Variants in HERC1 observed in about 807,000 individuals in gnomAD.
HERC1 encodes the protein HECT and RLD domain containing E3 ubiquitin protein ligase family member 1, also known as probable E3 ubiquitin-protein ligase HERC1.
In HERC1, 160 loss-of-function variants were observed where a neutral mutation model predicts 554.3. The ratio of observed to expected loss-of-function variants is 0.29; its 90% CI spans 0.25 to 0.33. HERC1 has a LOEUF of 0.33. Among genes scored for constraint, HERC1 ranks in the 10% least tolerant of loss-of-function variants. The pLI is 1.00. For missense variants in HERC1, 4,919 were observed against 5,918.5 expected (o/e 0.83, Z 5.54); for synonymous variants, 2,175 against 2,131.7 (o/e 1.02, Z -0.56).
chr15:63,642,932 T>A (rs535804309), intron 59 of HERC1, 25 bp downstream of exon 59: 3 of 1,325,390 alleles, frequency 2.3e-6, no homozygotes, highest in African/African-American at 1.4e-5. Context: ...TTACACCCTA[T>A]CATTTGATAT....
chr15:63,817,396 T>C (rs375951174), intron 1 of HERC1, among the ~76,000 whole-genome samples: 1 of 152,150 alleles, frequency 6.6e-6, no homozygotes. Context: ...AAGGTAAACA[T>C]TACGTATGTC....
At chr15:63,700,132 C>T (rs2072637337) in intron 25 of HERC1, among the ~76,000 whole-genome samples, 1 of 151,880 alleles carries the variant, frequency 6.6e-6, no homozygotes, top group Non-Finnish European at 1.5e-5. Flanking sequence ...TAATGTATTC[C>T]TAAGATGAAT....
chr15:63,789,087 T>G (rs61303059), intron 1 of HERC1, among the ~76,000 whole-genome samples: 869 of 57,374 alleles, frequency 0.015, 7 homozygotes, highest in Middle Eastern at 0.038. Flanking sequence ...GGTTTTTTTT[T>G]TTTTTTTTTT....
chr15:63,671,148 A>G (rs1049514093), intron 39 of HERC1, among the ~76,000 whole-genome samples: 1 of 149,992 alleles, frequency 6.7e-6, no homozygotes, highest in Non-Finnish European at 1.5e-5. Context: ...GGTTACGGTG[A>G]GCCCAGATCG....
At position 63,644,055 on chromosome 15, in the gene HERC1, CAA is replaced by C. The variant is rs541592677; in HGVS notation, c.11185-507_11185-506del. 3.3e-4 allele frequency among the ~76,000 whole-genome samples: 51 copies of C among 152,330 alleles called. No individual in the cohort carries two copies. In the East Asian group the frequency reaches 8.3e-3, roughly 25 times the overall value. The stretch of plus-strand genomic sequence containing the variant: ...CTGTCTATAGGGCTGCCCTCCAGCA[CAA>C]AGAGTAAACCAGACCTATCTGTAGT... On this transcript the variant is annotated intron_variant, in intron 57 of 77. Transcript: ENST00000443617.
chr15:63,623,934 A>G (rs367884370), intron 72 of HERC1, 44 bp from the exon 73 acceptor site: 57 of 1,591,726 alleles, frequency 3.6e-5, no homozygotes, highest in Admixed American at 3.2e-4. Flanking sequence ...ACTCTTACCA[A>G]TTTCCCCAAA....
At chr15:63,695,478 C>T (rs953203444) in intron 27 of HERC1, among the ~76,000 whole-genome samples, 5 of 150,980 alleles carry the variant, frequency 3.3e-5, no homozygotes, top group Non-Finnish European at 7.4e-5. Context: ...CTCCACCTCC[C>T]GGGTTCAAGC....
At chr15:63,656,414 CCATTTG>C in intron 48 of HERC1, 56 bp from the exon 49 acceptor site, 1 of 1,454,504 alleles carries the variant, frequency 6.9e-7, no homozygotes, top group Admixed American at 1.8e-5. Flanking sequence ...TCTTAAGGGA[CCATTTG>C]CAGTCCCACA....
At position 63,672,780 on chromosome 15, in the gene HERC1, A is replaced by G. The variant is rs998866018; in HGVS notation, c.7847-86T>C. 9.6e-6 allele frequency: 8 copies of G among 837,616 alleles called. No homozygotes were observed. In the Admixed American group the frequency reaches 1.5e-4, roughly 15 times the overall value. The allele number at this position is 837,616 out of a possible 1,614,324, so 51.9% of individuals were successfully genotyped here. A position where few individuals can be genotyped will look rare whatever the true frequency, so the allele number is the denominator to read the frequency against. On this transcript the variant is annotated intron_variant, in intron 38 of 77. Coordinates refer to ENST00000443617, the MANE Select transcript of HERC1 (RefSeq NM_003922.4). Reference sequence around the variant, plus strand: ...GGGAATAAAAAACTTCTACCTGTTTAATTTAAAAGTTTCTAAATATATTTC... The same window carrying G: ...GGGAATAAAAAACTTCTACCTGTTTGATTTAAAAGTTTCTAAATATATTTC...
At chr15:63,760,253 T>G (rs1045238468) in intron 3 of HERC1, among the ~76,000 whole-genome samples, 1 of 146,956 alleles carries the variant, frequency 6.8e-6, no homozygotes, top group Non-Finnish European at 1.5e-5. Flanking sequence ...AGGGAGGGAG[T>G]CTATGGAGTT....
intron 43 of HERC1, among the ~76,000 whole-genome samples, chr15:63,663,874 TA>T (rs1453881382): frequency 2.0e-5 from 3 of 152,278 alleles, no homozygotes; most frequent in Admixed American, 6.5e-5. Context: ...ACTGTTCCTG[TA>T]AATTACTGAA....
At chr15:63,701,982 C>T (rs1171440358) in intron 25 of HERC1, among the ~76,000 whole-genome samples, 2 of 152,008 alleles carry the variant, frequency 1.3e-5, no homozygotes, top group Admixed American at 1.3e-4. Context: ...AAAGAAAATA[C>T]AAAATCCAAC....
At chr15:63,617,295 AT>A (rs1439927775) in intron 74 of HERC1, among the ~76,000 whole-genome samples, 1 of 152,166 alleles carries the variant, frequency 6.6e-6, no homozygotes, top group African/African-American at 2.4e-5. Context: ...TTTGCTGAGA[AT>A]GATGGTTTCC....
intron 27 of HERC1, among the ~76,000 whole-genome samples, chr15:63,695,626 G>A (rs1350295817): frequency 6.6e-6 from 1 of 151,566 alleles, no homozygotes; most frequent in Non-Finnish European, 1.5e-5. Flanking sequence ...GACCTCAGGT[G>A]ATCCGACCAC....
intron 59 of HERC1, 62 bp downstream of exon 59, chr15:63,642,895 C>A (rs2069143044): frequency 1.0e-6 from 1 of 987,212 alleles, no homozygotes; most frequent in East Asian, 2.5e-5. Flanking sequence ...GGTGGTTAGA[C>A]TATGATTTCT....
chr15:63,718,732 C>T lies in HERC1; in HGVS notation c.3858-38G>A, dbSNP rs756604573. 6.2e-7 allele frequency: 1 copy of T among 1,601,950 alleles called. No homozygotes were observed. The highest frequency in any genetic ancestry group is 2.2e-5 in the East Asian group (1 of 44,514). On this transcript the variant is annotated intron_variant, in intron 20 of 77. Coordinates refer to ENST00000443617, the MANE Select transcript of HERC1 (RefSeq NM_003922.4). This position sits in a 1 kb window ranked among gnomAD's most constrained non-coding sequence, Gnocchi z 4.2. ...CCAAAATAGAAAAGTTACCTAATTT[C>T]TGACATCATGAGAGCAAATATTTGT...
In HERC1 at chr15:63,609,068, A is replaced by G; in HGVS notation, c.*13T>C. Reference sequence around the variant, plus strand: ...ATTGAGGGAGAGAAGGGAGGGTGAGAGCACCCGCACGGTCAGTAGTCAGTG... The same window carrying G: ...ATTGAGGGAGAGAAGGGAGGGTGAGGGCACCCGCACGGTCAGTAGTCAGTG... On this transcript the variant is annotated 3_prime_UTR_variant, in exon 78 of 78. Transcript: ENST00000443617. The G allele has an allele frequency of 6.2e-7, 1 of 1,606,764 alleles. No individual in the cohort carries two copies.
chr15:63,724,999 G>A lies in HERC1; in HGVS notation c.3568+293C>T, dbSNP rs976081373. Among the ~76,000 whole-genome samples, 11 of 152,096 alleles carry A rather than the reference G, an allele frequency of 7.2e-5. No individual in the cohort carries two copies. The South Asian group carries it at 1.0e-3, about 14-fold the overall frequency. On this transcript the variant is annotated intron_variant, in intron 18 of 77. Transcript: ENST00000443617. ...AGCAGTTTCATAACCTCCAAGCCTC[G>A]GAAAATAAGTGATGAAGCATTGAGT...
chr15:63,789,659 G>A (rs1017289567), intron 1 of HERC1, among the ~76,000 whole-genome samples: 4 of 151,572 alleles, frequency 2.6e-5, no homozygotes, highest in Non-Finnish European at 5.9e-5. Flanking sequence ...TTAGCTAGGC[G>A]TTGTGGCGGG....
Sources: gnomAD v4.1 joint callset for allele counts (sites outside exome capture counted in the v4.1 genomes callset) on GRCh38, gnomAD v4.1.1 for gene constraint, Gnocchi (gnomAD v3.1) non-coding constraint, MANE v1.5 for transcripts, NCBI Gene and HGNC (gene_info 2026-07-23, HGNC 2026-07-21) for gene names.